The following MBD1 variants were observed in gnomAD, a reference collection of about 807,000 sequenced individuals.
The protein encoded by MBD1 is methyl-CpG-binding domain protein 1.
A neutral mutation model predicts 82.6 loss-of-function variants in MBD1; 25 were observed. The observed-to-expected ratio is 0.30, with a 90% confidence interval of 0.22 to 0.42. The LOEUF is 0.42. MBD1 is among the 10% of genes least tolerant of loss of function. The pLI, the probability that MBD1 is intolerant of heterozygous loss-of-function variation, is 1.00. For missense variants in MBD1, 627 were observed against 819.6 expected (o/e 0.76, Z 2.87); for synonymous variants, 301 against 303.7 (o/e 0.99, Z 0.09).
At chr18:50,277,418 G>A (rs969502811) in intron 2 of MBD1, among the ~76,000 whole-genome samples, 1 of 151,874 alleles carries the variant, frequency 6.6e-6, no homozygotes, top group Admixed American at 6.6e-5. Context: ...AATGTAAACA[G>A]ATGAACATAT....
intron 1 of MBD1, 73 bp downstream of exon 1, chr18:50,281,290 A>G: frequency 7.1e-7 from 1 of 1,409,522 alleles, no homozygotes; most frequent in Non-Finnish European, 9.7e-7. Context: ...CCTCCCCGTC[A>G]GCGTTCTGAG....
At chr18:50,272,443 G>A (rs1315960865) in intron 15 of MBD1, 3 of 582,584 alleles carry the variant, frequency 5.1e-6, no homozygotes, top group Non-Finnish European at 9.2e-6. Context: ...AGAGTACCAA[G>A]TCTTTCCCCT....
chr18:50,271,264 G>A (rs1042927727), intron 16 of MBD1: 7 of 1,428,570 alleles, frequency 4.9e-6, no homozygotes, highest in African/African-American at 2.9e-5. Flanking sequence ...TTGGGGAGGA[G>A]AAGATGCACC....
At position 50,269,615 on chromosome 18, in the gene MBD1, G is replaced by A. The variant is rs781053855; in HGVS notation, c.*236C>T. ...ATCCTTTCAGCTTCTCTAATTCCTG[G>A]GCCAGATGCATATTTAACTCTGTGA... On this transcript the variant is annotated 3_prime_UTR_variant, in exon 17 of 17. Transcript: ENST00000269468. The A allele has an allele frequency of 4.2e-6, 3 of 720,842 alleles. No individual in the cohort carries two copies. Among genetic ancestry groups the A allele is most frequent in the Non-Finnish European group, 7.8e-6 (3 of 386,070 alleles). The allele number at this position is 720,842 out of a possible 1,614,324, so 44.7% of individuals were successfully genotyped here.
At chr18:50,277,973 T>C (rs917134075) in intron 2 of MBD1, among the ~76,000 whole-genome samples, 1 of 152,210 alleles carries the variant, frequency 6.6e-6, no homozygotes. Context: ...AATACAGTAA[T>C]TCCCCCTCTC....
chr18:50,276,638 C>T (rs2038037725), intron 5 of MBD1, 24 bp downstream of exon 5: 1 of 1,612,532 alleles, frequency 6.2e-7, no homozygotes, highest in East Asian at 2.2e-5. Flanking sequence ...TCTCCCGATG[C>T]CCCATCCTCT....
At chr18:50,274,673 ACT>A (rs1016437416) in intron 10 of MBD1, among the ~76,000 whole-genome samples, 3 of 152,040 alleles carry the variant, frequency 2.0e-5, no homozygotes, top group Non-Finnish European at 4.4e-5. Context: ...CATTTTGATA[ACT>A]CTCTATTAGC....
chr18:50,274,105 C>A, intron 11 of MBD1, 81 bp downstream of exon 11: 1 of 1,583,576 alleles, frequency 6.3e-7, no homozygotes, highest in Non-Finnish European at 8.6e-7. Context: ...CACCCACCTA[C>A]CAAGCCTGCC....
chr18:50,280,162 G>C (rs907393377), intron 1 of MBD1, 145 bp from the exon 2 acceptor site: 1 of 686,700 alleles, frequency 1.5e-6, no homozygotes, highest in African/African-American at 1.8e-5. Flanking sequence ...ATATGGAAAA[G>C]AAACCCCTCA....
In MBD1 at chr18:50,273,844, A is replaced by T. The variant is rs1251546379; in HGVS notation, c.1166T>A (p.Val389Asp). Residue 389 changes from valine (V) to aspartate (D), a missense_variant, in exon 12 of 17, where the codon GTC becomes GAC. Coordinates refer to ENST00000269468, the MANE Select transcript of MBD1 (RefSeq NM_015846.4). Reference sequence around the variant, plus strand: ...TGCCCCATCCTCAGACTCTGACCAGACACTGGGCAGCAGCCGCTTCTATGG... The same window carrying T: ...TGCCCCATCCTCAGACTCTGACCAGTCACTGGGCAGCAGCCGCTTCTATGG... ...QFAMKRLLPS[V>D]WSESEDGAGS... 25 of 1,613,172 alleles carry T rather than the reference A, an allele frequency of 1.5e-5. No individual in the cohort carries two copies. The highest frequency in any genetic ancestry group is 2.1e-5 in the Non-Finnish European group (25 of 1,179,990).
chr18:50,275,771 G>T (rs77487584), intron 7 of MBD1, 43 bp from the exon 8 acceptor site: 2 of 1,614,122 alleles, frequency 1.2e-6, no homozygotes, highest in African/African-American at 2.7e-5. Flanking sequence ...TGAAGCATGG[G>T]GCCAAGCCCA....
chr18:50,273,786 C>T lies in MBD1; in HGVS notation c.1224G>A (p.Arg408=). Residue 408 remains arginine, a synonymous_variant, in exon 12 of 17, where the codon AGG becomes AGA. Transcript: ENST00000269468. Reference sequence around the variant, plus strand: ...GATGGTGCCGTCGGGCAGAGCTGGGCCTCTTTCGACGACGGTAAGGTGGGG... The same window carrying T: ...GATGGTGCCGTCGGGCAGAGCTGGGTCTCTTTCGACGACGGTAAGGTGGGG... The part of the protein sequence containing the change: ...GSPPPYRRRK[R]PSSARRHHLG... The T allele has an allele frequency of 1.2e-6, 2 of 1,614,028 alleles. No homozygotes were observed. Among genetic ancestry groups the T allele is most frequent in the Non-Finnish European group, 1.7e-6 (2 of 1,180,034 alleles).
chr18:50,267,592 G>C, downstream of MBD1: 1 of 1,533,422 alleles, frequency 6.5e-7, no homozygotes, highest in African/African-American at 1.4e-5. Context: ...CACAAATCAG[G>C]GAACCAGGAC....
intron 16 of MBD1, chr18:50,270,216 TC>T: frequency 6.7e-7 from 1 of 1,494,766 alleles, no homozygotes; most frequent in Non-Finnish European, 9.2e-7. Flanking sequence ...AAATGGCTAA[TC>T]CATGTCTGAA....
chr18:50,267,518 C>G, downstream of MBD1: 1 of 1,004,134 alleles, frequency 1.0e-6, no homozygotes, highest in South Asian at 1.4e-5. Flanking sequence ...GGACCAGGGT[C>G]AGGATGTGGA....
rs116365506 is a variant in MBD1 at position 50,271,865 on chromosome 18, G to A, written c.1779-325C>T. ...GATGAAAGGGTTTCTAGCCTGGTGG[G>A]CTGGTTTGTAGGAGCAAAGGAATCC... On this transcript the variant is annotated intron_variant, in intron 15 of 16. Coordinates refer to ENST00000269468, the MANE Select transcript of MBD1 (RefSeq NM_015846.4). Among the ~76,000 whole-genome samples the A allele has an allele frequency of 3.4e-3, 517 of 152,248 alleles. 3 individuals are homozygous for A. Among genetic ancestry groups the A allele is most frequent in the African/African-American group, 0.011 (461 of 41,526 alleles).
chr18:50,277,867 T>C lies in MBD1; in HGVS notation c.111-663A>G, dbSNP rs902116980. 2.6e-5 allele frequency among the ~76,000 whole-genome samples: 4 copies of C among 152,086 alleles called. No individual in the cohort carries two copies. The East Asian group carries it at 5.8e-4, about 22-fold the overall frequency. ...GTCTTAATATTATTTAAAAAAAACC[T>C]GATTCTCTAAGCTCACGGTTCTTTT... On this transcript the variant is annotated intron_variant, in intron 2 of 16. Transcript: ENST00000269468.
Position 50,275,630 on chromosome 18 carries a change from C to T in MBD1, c.762G>A (p.Gln254=). 1.2e-6 allele frequency: 2 copies of T among 1,614,192 alleles called. No individual in the cohort carries two copies. The highest frequency in any genetic ancestry group is 1.7e-6 in the Non-Finnish European group (2 of 1,180,018). ...LRPPRPGLRR[Q]WKCVQRRCLR... is the part of the protein sequence containing the mutation. The stretch of plus-strand genomic sequence containing the variant: ...GGCAACGTCGCTGGACACATTTCCA[C>T]TGGCGCCTGAGACCAGGGCGGGGAG... Residue 254 remains glutamine, a synonymous_variant, in exon 8 of 17, where the codon CAG becomes CAA. Coordinates refer to ENST00000269468, the MANE Select transcript of MBD1 (RefSeq NM_015846.4).
At chr18:50,274,467 G>T in intron 10 of MBD1, 114 bp from the exon 11 acceptor site, 1 of 1,161,380 alleles carries the variant, frequency 8.6e-7, no homozygotes, top group Non-Finnish European at 1.2e-6. Context: ...GGAGCTACTT[G>T]CATACTAGTC....
Sources: allele counts gnomAD v4.1 joint callset (sites outside exome capture counted in the v4.1 genomes callset), GRCh38; gene constraint gnomAD v4.1.1; transcripts MANE v1.5; gene names NCBI Gene and HGNC (gene_info 2026-07-23, HGNC 2026-07-21).